Variants in IDE observed in about 807,000 individuals in gnomAD.
IDE encodes the protein insulin-degrading enzyme.
IDE carries 58 observed loss-of-function variants against 133.2 expected under a neutral mutation model. That is an observed-to-expected ratio of 0.44 (90% CI 0.35 to 0.54). The LOEUF (loss-of-function observed/expected upper bound fraction) is 0.54. Ranked by LOEUF, IDE falls within the 20% of genes least tolerant of loss-of-function variation. The probability of loss-of-function intolerance (pLI) is 0.00; values close to 1 mark genes in which losing one functional copy is unlikely to be tolerated. For synonymous variants in IDE, 396 were observed against 421.3 expected, an observed-to-expected ratio of 0.94 and a Z score of 0.73; for missense variants, 981 against 1,234.0, an observed-to-expected ratio of 0.79 and a Z score of 3.07.
In IDE at chr10:92,565,641, A is replaced by C. The variant is rs571587588; in HGVS notation, c.98+8281T>G. Reference sequence around the variant, plus strand: ...CATCTAAACATAGATTATTTTTCCTATATCCATCCATGTCCGTGTCTTCAA... The same window carrying C: ...CATCTAAACATAGATTATTTTTCCTCTATCCATCCATGTCCGTGTCTTCAA... On this transcript the variant is annotated intron_variant, in intron 1 of 24. Transcript: ENST00000265986. 4.6e-5 allele frequency among the ~76,000 whole-genome samples: 7 copies of C among 151,934 alleles called. No individual in the cohort carries two copies. The South Asian group carries it at 1.5e-3, about 32-fold the overall frequency.
chr10:92,570,136 G>A (rs911251954), intron 1 of IDE, among the ~76,000 whole-genome samples: 11 of 151,920 alleles, frequency 7.2e-5, no homozygotes, highest in African/African-American at 2.4e-4. Flanking sequence ...CTTTTAATAG[G>A]CAAAAAGAAA....
chr10:92,561,162 A>G (rs1843262961), intron 1 of IDE, among the ~76,000 whole-genome samples: 1 of 152,164 alleles, frequency 6.6e-6, no homozygotes, highest in East Asian at 1.9e-4. Context: ...AGGCTGAGGC[A>G]GGAGAATCAC....
chr10:92,570,364 T>C (rs898263625), intron 1 of IDE, among the ~76,000 whole-genome samples: 3 of 152,204 alleles, frequency 2.0e-5, no homozygotes, highest in African/African-American at 7.2e-5. Flanking sequence ...TATCTTTGCA[T>C]TTACATAGTA....
intron 12 of IDE, among the ~76,000 whole-genome samples, chr10:92,487,614 C>T (rs1209283687): frequency 2.6e-5 from 4 of 152,178 alleles, no homozygotes; most frequent in Admixed American, 2.6e-4. Flanking sequence ...GCTGACTGGT[C>T]CATATGCAGA....
At chr10:92,458,154 T>G (rs1290181923) in intron 22 of IDE, among the ~76,000 whole-genome samples, 1 of 152,234 alleles carries the variant, frequency 6.6e-6, no homozygotes, top group Non-Finnish European at 1.5e-5. Context: ...CAACTGCACC[T>G]TCTTGCAAAC....
chr10:92,480,827 C>G, intron 14 of IDE: 1 of 377,500 alleles, frequency 2.6e-6, no homozygotes, highest in Non-Finnish European at 3.6e-6. Flanking sequence ...CTCCTAGGCT[C>G]AAGCGATCTT....
chr10:92,477,173 G>C (rs1054386874), intron 15 of IDE, among the ~76,000 whole-genome samples: 3 of 151,278 alleles, frequency 2.0e-5, no homozygotes, highest in African/African-American at 7.3e-5. Flanking sequence ...TTTTTTCTGA[G>C]ACAGGGTCTG....
chr10:92,457,514 T>A (rs1845096469), intron 22 of IDE, among the ~76,000 whole-genome samples: 1 of 152,032 alleles, frequency 6.6e-6, no homozygotes, highest in South Asian at 2.1e-4. Flanking sequence ...TCCCCTTAGT[T>A]ACTACCATGA....
At chr10:92,486,587 C>T (rs897533083) in intron 13 of IDE, among the ~76,000 whole-genome samples, 2 of 151,818 alleles carry the variant, frequency 1.3e-5, no homozygotes, top group Admixed American at 6.6e-5. Context: ...AGAAGAAATA[C>T]GTTTAGAAGG....
chr10:92,486,544 G>A (rs779724206), intron 13 of IDE, among the ~76,000 whole-genome samples: 2 of 151,692 alleles, frequency 1.3e-5, no homozygotes, highest in Non-Finnish European at 2.9e-5. Flanking sequence ...TTTAGAAACA[G>A]TTTAGAAGGG....
intron 4 of IDE, among the ~76,000 whole-genome samples, chr10:92,521,928 T>G (rs10882074): frequency 0.29 from 44,185 of 151,900 alleles, 7,819 homozygotes; most frequent in East Asian, 0.67. Context: ...AAATGATATC[T>G]AGAATCTCTT....
intron 1 of IDE, among the ~76,000 whole-genome samples, chr10:92,563,376 T>C (rs1226758564): frequency 1.3e-5 from 2 of 149,574 alleles, no homozygotes; most frequent in East Asian, 2.0e-4. Context: ...CACTTGAATC[T>C]GGGATGCGGA....
At chr10:92,479,533 T>C in intron 14 of IDE, 112 bp from the exon 15 acceptor site, 2 of 795,294 alleles carry the variant, frequency 2.5e-6, no homozygotes, top group Non-Finnish European at 4.1e-6. Context: ...TTCCTGAGGA[T>C]ATGGTTGAAT....
intron 1 of IDE, among the ~76,000 whole-genome samples, chr10:92,551,581 A>G (rs113664160): frequency 2.9e-4 from 44 of 151,896 alleles, no homozygotes; most frequent in African/African-American, 7.5e-4. Flanking sequence ...AAAAAAAAAA[A>G]AAAAGAAAAG....
At chr10:92,458,160 C>A (rs1845130472) in intron 22 of IDE, among the ~76,000 whole-genome samples, 1 of 152,166 alleles carries the variant, frequency 6.6e-6, no homozygotes, top group Non-Finnish European at 1.5e-5. Flanking sequence ...CACCTTCTTG[C>A]AAACTATTAA....
At chr10:92,474,627 G>A (rs540822177) in intron 17 of IDE, 1 of 431,008 alleles carries the variant, frequency 2.3e-6, no homozygotes, top group Admixed American at 4.0e-5. Flanking sequence ...TTTGGGTTGG[G>A]AATGTTCAAT....
At chr10:92,573,312 G>A (rs1474821841) in intron 1 of IDE, 3 of 359,098 alleles carry the variant, frequency 8.4e-6, no homozygotes, top group Non-Finnish European at 7.8e-6. Context: ...TAAAACAAGG[G>A]AGCTGCTGTA....
At chr10:92,486,074 C>T (rs945915297) in intron 13 of IDE, among the ~76,000 whole-genome samples, 2 of 152,100 alleles carry the variant, frequency 1.3e-5, no homozygotes, top group South Asian at 2.1e-4. Context: ...ACGGGTCCGG[C>T]GTGGTGGCTC....
chr10:92,515,098 G>A, intron 4 of IDE, 56 bp from the exon 5 acceptor site: 1 of 1,415,102 alleles, frequency 7.1e-7, no homozygotes, highest in African/African-American at 1.4e-5. Context: ...GACTTTTAAA[G>A]TTTTGTAATT....
Sources: allele counts gnomAD v4.1 joint callset (sites outside exome capture counted in the v4.1 genomes callset), GRCh38; gene constraint gnomAD v4.1.1; transcripts MANE v1.5; gene names NCBI Gene and HGNC (gene_info 2026-07-23, HGNC 2026-07-21).